Variants in RAB27B observed in about 807,000 individuals in gnomAD.
RAB27B encodes RAB27B, member RAS oncogene family.
RAB27B carries 15 observed loss-of-function variants against 24.6 expected under a neutral mutation model. The observed-to-expected ratio is 0.61, with a 90% CI of 0.41 to 0.94. The LOEUF is 0.94. Among genes scored for constraint, RAB27B ranks in the 40% least tolerant of loss-of-function variants. The pLI is 0.00. For synonymous variants in RAB27B, 105 were observed against 92.5 expected (o/e 1.14, Z -0.78); for missense variants, 261 against 266.8 (o/e 0.98, Z 0.15).
chr18:54,863,487 G>A (rs540935776), intron 1 of RAB27B, among the ~76,000 whole-genome samples: 1 of 152,132 alleles, frequency 6.6e-6, no homozygotes, highest in Admixed American at 6.5e-5. Context: ...TTCTTATCTT[G>A]TTGGGGTTTT....
chr18:54,853,031 G>T (rs1045391559), intron 1 of RAB27B, among the ~76,000 whole-genome samples: 1 of 152,202 alleles, frequency 6.6e-6, no homozygotes, highest in Non-Finnish European at 1.5e-5. Context: ...TAGGTTCAGG[G>T]AGGAGAGTAG....
intron 2 of RAB27B, among the ~76,000 whole-genome samples, chr18:54,722,971 A>AT (rs1225930290): frequency 5.3e-5 from 8 of 151,970 alleles, no homozygotes; most frequent in South Asian, 2.1e-4. Flanking sequence ...ACTAAACTAA[A>AT]TTTTTTTTTA....
chr18:54,890,367 G>A lies in RAB27B; in HGVS notation c.*954G>A, dbSNP rs758884734. ...TCACAAGGAGAAATTACCAGTTACGGTTTATTAAATCTCTTTTAAAATGCA... is the reference window on the plus strand; with the variant it reads ...TCACAAGGAGAAATTACCAGTTACGATTTATTAAATCTCTTTTAAAATGCA... On this transcript the variant is annotated 3_prime_UTR_variant, in exon 6 of 6. Transcript: ENST00000262094. 2 of 152,052 alleles carry A rather than the reference G, an allele frequency of 1.3e-5. No homozygotes were observed. The highest frequency in any genetic ancestry group is 2.4e-5 in the African/African-American group (1 of 41,406). The allele number at this position is 152,052 out of a possible 1,614,324, so 9.4% of individuals were successfully genotyped here. A position where few individuals can be genotyped will look rare whatever the true frequency, so the allele number is the denominator to read the frequency against.
intron 1 of RAB27B, among the ~76,000 whole-genome samples, chr18:54,853,045 G>A (rs973674390): frequency 5.9e-5 from 9 of 152,250 alleles, no homozygotes; most frequent in Middle Eastern, 3.4e-3. Flanking sequence ...AGAGTAGGAC[G>A]GAATTCTATT....
chr18:54,747,643 A>G (rs186379248), intron 2 of RAB27B, among the ~76,000 whole-genome samples: 1 of 152,292 alleles, frequency 6.6e-6, no homozygotes, highest in East Asian at 1.9e-4. Context: ...CTGCATGTAT[A>G]TGAGTTCATT....
chr18:54,768,752 CAG>C (rs1481685917), intron 2 of RAB27B, among the ~76,000 whole-genome samples: 1 of 152,106 alleles, frequency 6.6e-6, no homozygotes, highest in Non-Finnish European at 1.5e-5. Flanking sequence ...ACCTTTGTCA[CAG>C]GGTACCAGGA....
chr18:54,868,154 G>T (rs1021217926), intron 1 of RAB27B, among the ~76,000 whole-genome samples: 1 of 152,132 alleles, frequency 6.6e-6, no homozygotes, highest in African/African-American at 2.4e-5. Context: ...GATGCTAAGT[G>T]GGGGAGATGC....
At chr18:54,833,203 CCTCTT>C (rs1294683329) in intron 1 of RAB27B, among the ~76,000 whole-genome samples, 8 of 149,854 alleles carry the variant, frequency 5.3e-5, no homozygotes, top group Non-Finnish European at 7.4e-5. Flanking sequence ...GGGTCATCTC[CCTCTT>C]CTTTCTTTTC....
intron 2 of RAB27B, among the ~76,000 whole-genome samples, chr18:54,774,317 C>G (rs1908649035): frequency 6.6e-6 from 1 of 152,226 alleles, no homozygotes; most frequent in Non-Finnish European, 1.5e-5. Flanking sequence ...CTGTGCCAGT[C>G]ACTGAACCAA....
chr18:54,873,685 C>CTGTGTGTGTGTG lies in RAB27B; in HGVS notation c.-19-3849_-19-3838dup, dbSNP rs56409312. Among the ~76,000 whole-genome samples, 294 of 140,838 alleles carry CTGTGTGTGTGTG rather than the reference C, an allele frequency of 2.1e-3. 1 individual carries two copies. The highest frequency in any genetic ancestry group is 3.2e-3 in the Non-Finnish European group (208 of 65,142). The allele number at this position is 140,838 out of a possible 152,430, so 92.4% of individuals were successfully genotyped here. A position where few individuals can be genotyped will look rare whatever the true frequency, so the allele number is the denominator to read the frequency against. On this transcript the variant is annotated intron_variant, in intron 1 of 5. Coordinates refer to ENST00000262094, the MANE Select transcript of RAB27B (RefSeq NM_004163.4). ...ATAAAAAGAGGAGCTGAGCCAAATCCTGTGTGTGTGTGTGTGTGTGTGTGT... is the reference window on the plus strand; with the variant it reads ...ATAAAAAGAGGAGCTGAGCCAAATCCTGTGTGTGTGTGTGTGTGTGTGTGTGTGTGTGTGTGT...
chr18:54,777,931 G>A (rs886463248), intron 2 of RAB27B, among the ~76,000 whole-genome samples: 2 of 135,844 alleles, frequency 1.5e-5, no homozygotes, highest in African/African-American at 2.8e-5. Flanking sequence ...TTCACTAATT[G>A]TCTCCGGCAA....
chr18:54,847,018 T>C (rs908828773), intron 1 of RAB27B, among the ~76,000 whole-genome samples: 2 of 152,058 alleles, frequency 1.3e-5, no homozygotes, highest in African/African-American at 4.8e-5. Flanking sequence ...ACATGGCTAA[T>C]TTTTGTATTT....
At chr18:54,731,183 G>A (rs1909719734) in intron 2 of RAB27B, among the ~76,000 whole-genome samples, 2 of 152,136 alleles carry the variant, frequency 1.3e-5, no homozygotes, top group South Asian at 4.2e-4. Flanking sequence ...GGATTTCAAG[G>A]GACTGTGAAA....
intron 2 of RAB27B, among the ~76,000 whole-genome samples, chr18:54,759,768 G>A (rs1452476765): frequency 2.0e-5 from 3 of 152,190 alleles, no homozygotes; most frequent in Non-Finnish European, 4.4e-5. Context: ...GCAGCTGGGT[G>A]TTGGAGAGGA....
At chr18:54,843,011 T>A (rs889419966) in intron 1 of RAB27B, among the ~76,000 whole-genome samples, 4 of 152,298 alleles carry the variant, frequency 2.6e-5, no homozygotes, top group Admixed American at 1.3e-4. Flanking sequence ...TTAGCCAGGA[T>A]GGTCTCCATG....
chr18:54,787,570 T>C (rs1177197515), intron 2 of RAB27B, among the ~76,000 whole-genome samples: 4 of 152,180 alleles, frequency 2.6e-5, no homozygotes, highest in Admixed American at 6.5e-5. Context: ...CTTCTCAGCC[T>C]ATGCAAACAC....
intron 2 of RAB27B, among the ~76,000 whole-genome samples, chr18:54,734,991 G>T (rs1168173829): frequency 6.6e-6 from 1 of 152,072 alleles, no homozygotes; most frequent in Non-Finnish European, 1.5e-5. Context: ...ATTTATGATT[G>T]GTTTGGGAAA....
chr18:54,845,028 T>C (rs1455418194), intron 1 of RAB27B, among the ~76,000 whole-genome samples: 11 of 152,224 alleles, frequency 7.2e-5, no homozygotes, highest in Admixed American at 6.5e-4. Context: ...AAGCTTCTTA[T>C]GTATTAGGCT....
intron 2 of RAB27B, among the ~76,000 whole-genome samples, chr18:54,757,566 A>G (rs1177453344): frequency 6.6e-6 from 1 of 152,204 alleles, no homozygotes; most frequent in Non-Finnish European, 1.5e-5. Flanking sequence ...TCTTGTATAT[A>G]TAATGAATTG....
Sources: allele counts gnomAD v4.1 joint callset (sites outside exome capture counted in the v4.1 genomes callset), GRCh38; gene constraint gnomAD v4.1.1; transcripts MANE v1.5; gene names NCBI Gene and HGNC (gene_info 2026-07-23, HGNC 2026-07-21).